Variants in FOXM1 observed in about 807,000 individuals in gnomAD.
FOXM1 encodes the protein forkhead box M1.
FOXM1 carries 25 observed loss-of-function variants against 63.6 expected under a neutral mutation model. The observed-to-expected ratio is 0.39, with a 90% CI of 0.29 to 0.55. FOXM1 has a LOEUF of 0.55. FOXM1 is among the 20% of genes least tolerant of loss of function. FOXM1 has a pLI of 0.60. For missense variants in FOXM1, 879 were observed against 958.7 expected, an observed-to-expected ratio of 0.92 and a Z score of 1.10; for synonymous variants, 387 against 376.9, an observed-to-expected ratio of 1.03 and a Z score of -0.31.
Position 2,866,534 on chromosome 12 carries a change from C to T in FOXM1, c.847-13G>A. ...GGCGGATGGAGTTCTGGAAGAAGAG[C>T]AAGACAACTGGTTATCAGCTACTTT... On this transcript the variant is annotated splice_polypyrimidine_tract_variant and intron_variant, in intron 4 of 8. Transcript: ENST00000359843. 6.6e-7 allele frequency: 1 copy of T among 1,511,754 alleles called. No individual in the cohort carries two copies. Among genetic ancestry groups the T allele is most frequent in the Non-Finnish European group, 8.8e-7 (1 of 1,133,536 alleles). The allele number at this position is 1,511,754 out of a possible 1,614,324, so 93.6% of individuals were successfully genotyped here. A position where few individuals can be genotyped will look rare whatever the true frequency, so the allele number is the denominator to read the frequency against.
At position 2,864,690 on chromosome 12, in the gene FOXM1, CA is replaced by C. The variant is rs750087295; in HGVS notation, c.1082del (p.Leu361ArgfsTer7). 1.2e-6 allele frequency: 2 copies of C among 1,614,178 alleles called. No homozygotes were observed. On this transcript the variant is annotated frameshift_variant, in exon 7 of 9. Transcript: ENST00000359843. LOFTEE classifies it high-confidence loss of function. This position sits in a 1 kb window ranked among gnomAD's most constrained non-coding sequence, Gnocchi z 5.1. ...CCACTCTCCCATACTAACGTGCGCC[CA>C]GGGGGAGTTCGGTTTTGATGGTCAT... is the stretch of plus-strand genomic sequence containing the variant. ...RNMTIKTELP[L>X]GARRKMKPLL... is the part of the protein sequence containing the mutation.
intron 8 of FOXM1, among the ~76,000 whole-genome samples, chr12:2,860,131 C>T (rs2098107617): frequency 6.6e-6 from 1 of 152,126 alleles, no homozygotes; most frequent in Non-Finnish European, 1.5e-5. Flanking sequence ...TTAACCAAGA[C>T]TGGAAACCCA....
chr12:2,859,944 C>A (rs2098106917), intron 8 of FOXM1, among the ~76,000 whole-genome samples: 1 of 152,010 alleles, frequency 6.6e-6, no homozygotes. Context: ...AAAATAAGAA[C>A]CTTAGGCTGC....
intron 8 of FOXM1, among the ~76,000 whole-genome samples, chr12:2,863,174 A>T (rs1208431667): frequency 6.6e-6 from 1 of 152,068 alleles, no homozygotes; most frequent in Non-Finnish European, 1.5e-5. Context: ...AGTGGGGAAA[A>T]CAAGGGATAC....
chr12:2,873,416 AAAG>A (rs1326686845), intron 2 of FOXM1, among the ~76,000 whole-genome samples: 5 of 149,282 alleles, frequency 3.3e-5, no homozygotes, highest in Admixed American at 1.3e-4. Context: ...AAAAAAAAAA[AAAG>A]AAGGAAAATG....
In FOXM1 at chr12:2,874,977, A is replaced by G. The variant is rs769604610; in HGVS notation, c.-47-452T>C. 4.0e-5 allele frequency among the ~76,000 whole-genome samples: 6 copies of G among 151,318 alleles called. No homozygotes were observed. Among genetic ancestry groups the G allele is most frequent in the Non-Finnish European group, 8.8e-5 (6 of 67,994 alleles). On this transcript the variant is annotated intron_variant, in intron 1 of 8. Coordinates refer to ENST00000359843, the MANE Select transcript of FOXM1 (RefSeq NM_021953.4). The surrounding 1 kb of genome is among the most constrained non-coding windows in gnomAD (Gnocchi z 4.3). Reference sequence around the variant, plus strand: ...TCTGATCCCATAATCCATTCAAGACAAAGGATTTTAATTTTTTTTTTTTTT... The same window carrying G: ...TCTGATCCCATAATCCATTCAAGACGAAGGATTTTAATTTTTTTTTTTTTT...
rs1480590447 is a variant in FOXM1 at position 2,866,383 on chromosome 12, G to A, written c.975+10C>T. 6.9e-6 allele frequency: 10 copies of A among 1,449,060 alleles called. No individual in the cohort carries two copies. The highest frequency in any genetic ancestry group is 6.4e-6 in the Non-Finnish European group (7 of 1,096,702). The allele number at this position is 1,449,060 out of a possible 1,614,324, so 89.8% of individuals were successfully genotyped here. A position where few individuals can be genotyped will look rare whatever the true frequency, so the allele number is the denominator to read the frequency against. ...CTTAGGCCCTATTTAGAGGAAAGCA[G>A]GGCATTCACCTTAAACACCTGGTCC... On this transcript the variant is annotated intron_variant, in intron 5 of 8. Coordinates refer to ENST00000359843, the MANE Select transcript of FOXM1 (RefSeq NM_021953.4).
rs28990715 is a variant in FOXM1, at chr12:2,864,381, G to T, written c.1205C>A (p.Ala402Glu). 0.019 allele frequency: 30,211 copies of T among 1,614,058 alleles called. 352 individuals are homozygous for T. Among genetic ancestry groups the T allele is most frequent in the Non-Finnish European group, 0.021 (24,941 of 1,179,990 alleles). Residue 402 changes from alanine to glutamate, a missense_variant, in exon 8 of 9, where the codon GCG (alanine) becomes GAG (glutamate). By Grantham distance (107) the Ala-to-Glu change is moderately radical (BLOSUM62 -1). Transcript: ENST00000359843. This position sits in a 1 kb window ranked among gnomAD's most constrained non-coding sequence, Gnocchi z 5.1. ...AAGCTCTGAGCTCATGAGGGAAGCC[G>T]CCAGGGGCAATGGCACCTTCACCGA... ...QPSVKVPLPL[A>E]ASLMSSELAR...
rs778598715 is a variant in FOXM1, at chr12:2,858,676, T to TGTCAGGGCCCAGTGGGTCCTC, written c.2233_2253dup (p.Glu745_Asp751dup). ...GGAATAAACTGGGACCAGTTGATGT[T>TGTCAGGGCCCAGTGGGTCCTC]GTCAGGGCCCAGTGGGTCCTCGTCC... On this transcript the variant is annotated inframe_insertion, in exon 9 of 9. Coordinates refer to ENST00000359843, the MANE Select transcript of FOXM1 (RefSeq NM_021953.4). 1.9e-5 allele frequency: 31 copies of TGTCAGGGCCCAGTGGGTCCTC among 1,614,030 alleles called. 1 individual carries two copies. The East Asian group carries it at 5.6e-4, about 29-fold the overall frequency.
Position 2,876,911 on chromosome 12 carries a change from C to T in FOXM1, c.-48+9G>A, listed in dbSNP as rs899077918. 1 of 152,394 alleles carries T rather than the reference C, an allele frequency of 6.6e-6. No individual in the cohort carries two copies. The highest frequency in any genetic ancestry group is 1.5e-5 in the Non-Finnish European group (1 of 68,240). The allele number at this position is 152,394 out of a possible 1,614,324, so 9.4% of individuals were successfully genotyped here. A position where few individuals can be genotyped will look rare whatever the true frequency, so the allele number is the denominator to read the frequency against. On this transcript the variant is annotated intron_variant, in intron 1 of 8. Transcript: ENST00000359843. ...CAGGCCTGGGACTCCATTGCTGCATCCCGCTCACCTCCAGACTGCAGTCGC... is the reference window on the plus strand; with the variant it reads ...CAGGCCTGGGACTCCATTGCTGCATTCCGCTCACCTCCAGACTGCAGTCGC...
At chr12:2,868,881 C>A in intron 3 of FOXM1, 127 bp from the exon 4 acceptor site, 1 of 623,328 alleles carries the variant, frequency 1.6e-6, no homozygotes, top group Non-Finnish European at 2.7e-6. Flanking sequence ...TCATCTGAGA[C>A]CACTATCTCA....
intron 8 of FOXM1, among the ~76,000 whole-genome samples, chr12:2,861,746 C>T (rs894423078): frequency 1.5e-4 from 23 of 152,270 alleles, no homozygotes; most frequent in African/African-American, 5.5e-4. Context: ...ATTTGAGAAA[C>T]AGAATCTGTC....
rs766613636 is a variant in FOXM1 at position 2,872,234 on chromosome 12, T to C, written c.516A>G (p.Ala172=). The C allele has an allele frequency of 1.2e-6, 2 of 1,614,128 alleles. No individual in the cohort carries two copies. Among genetic ancestry groups the C allele is most frequent in the African/African-American group, 2.7e-5 (2 of 74,952 alleles). The change falls in exon 3 of 9, where the codon GCA becomes GCG. Residue 172 remains alanine (A), a synonymous_variant. Coordinates refer to ENST00000359843, the MANE Select transcript of FOXM1 (RefSeq NM_021953.4). The surrounding 1 kb of genome is among the most constrained non-coding windows in gnomAD (Gnocchi z 4.0). ...GGCTATTGTTGATAGTGCAGCCTGC[T>C]GCCTCACCATCTGCTAGAGGGAAAA... ...QKRETCADGE[A]AGCTINNSLS... is the part of the protein sequence containing the mutation.
At position 2,859,068 on chromosome 12, in the gene FOXM1, G is replaced by A. The variant is rs750901706; in HGVS notation, c.1862C>T (p.Pro621Leu). 6.2e-7 allele frequency: 1 copy of A among 1,607,252 alleles called. No homozygotes were observed. The highest frequency in any genetic ancestry group is 8.5e-7 in the Non-Finnish European group (1 of 1,176,956). The change falls in exon 9 of 9, where the codon CCT becomes CTT. Residue 621 changes from proline (P) to leucine (L), a missense_variant. By Grantham distance (98) the Pro-to-Leu change is moderately conservative (BLOSUM62 -3). Coordinates refer to ENST00000359843, the MANE Select transcript of FOXM1 (RefSeq NM_021953.4). ...TGGGGGCGTGAGCCTCCAGGATTCA[G>A]GGGTTCTGGGGAGGACAGATTTGCT... ...TPSKSVLPRT[P>L]ESWRLTPPAK...
At position 2,859,233 on chromosome 12, in the gene FOXM1, G is replaced by A; in HGVS notation, c.1697C>T (p.Pro566Leu). 1 of 1,613,588 alleles carries A rather than the reference G, an allele frequency of 6.2e-7. No homozygotes were observed. Among genetic ancestry groups the A allele is most frequent in the Non-Finnish European group, 8.5e-7 (1 of 1,179,948 alleles). The change falls in exon 9 of 9, where the codon CCC becomes CTC. Residue 566 changes from proline (P) to leucine (L), a missense_variant. Physicochemically the swap from Pro to Leu is moderately conservative, Grantham distance 98. Coordinates refer to ENST00000359843, the MANE Select transcript of FOXM1 (RefSeq NM_021953.4). ...DEPELLFSEG[P>L]STSRWAAELP... ...CTCTGCGGCCCAGCGGGAAGTACTG[G>A]GCCCCTCTGAGAAGAGCAGCTCCGG...
At chr12:2,863,720 T>TC in intron 8 of FOXM1, 1 of 148,172 alleles carries the variant, frequency 6.7e-6, no homozygotes, top group East Asian at 2.0e-4. Flanking sequence ...TCTTTTCTTT[T>TC]TTTTTTTTTG....
In FOXM1 at chr12:2,859,057, T is replaced by C; in HGVS notation, c.1873A>G (p.Arg625Gly). 1.2e-6 allele frequency: 2 copies of C among 1,608,406 alleles called. No homozygotes were observed. Among genetic ancestry groups the C allele is most frequent in the East Asian group, 2.2e-5 (1 of 44,764 alleles). Residue 625 changes from arginine to glycine, a missense_variant, in exon 9 of 9, where the codon AGG (arginine) becomes GGG (glycine). Arg to Gly is a moderately radical substitution (Grantham distance 125). Coordinates refer to ENST00000359843, the MANE Select transcript of FOXM1 (RefSeq NM_021953.4). Reference sequence around the variant, plus strand: ...CCTACTTTGGCTGGGGGCGTGAGCCTCCAGGATTCAGGGGTTCTGGGGAGG... The same window carrying C: ...CCTACTTTGGCTGGGGGCGTGAGCCCCCAGGATTCAGGGGTTCTGGGGAGG... ...SVLPRTPESW[R>G]LTPPAKVGGL... is the part of the protein sequence containing the mutation.
rs753788611 is a variant in FOXM1, at chr12:2,858,871, C to A, written c.2059G>T (p.Val687Phe). Reference protein sequence around the residue: ...LSSEPLDLISVPFGNSSPSDI... With the variant: ...LSSEPLDLISFPFGNSSPSDI... Reference sequence around the variant, plus strand: ...GAGGGAGAAGAGTTGCCAAAGGGGACGGAGATGAGGTCTAAGGGTTCTGAA... The same window carrying A: ...GAGGGAGAAGAGTTGCCAAAGGGGAAGGAGATGAGGTCTAAGGGTTCTGAA... The change falls in exon 9 of 9, where the codon GTC becomes TTC. Residue 687 changes from valine (V) to phenylalanine (F), a missense_variant. Around this residue, in one of 4 missense-constraint regions of FOXM1, gnomAD observed 486 missense variants for 453.5 expected, o/e 1.07. Transcript: ENST00000359843. 1 of 1,613,964 alleles carries A rather than the reference C, an allele frequency of 6.2e-7. No homozygotes were observed. The highest frequency in any genetic ancestry group is 8.5e-7 in the Non-Finnish European group (1 of 1,179,996).
chr12:2,871,651 TA>T (rs756336674), intron 3 of FOXM1, among the ~76,000 whole-genome samples: 50 of 145,182 alleles, frequency 3.4e-4, no homozygotes, highest in Middle Eastern at 3.5e-3. Context: ...GACGCTGTCT[TA>T]AAAAAAAAAA....
Sources: gnomAD v4.1 joint callset for allele counts (sites outside exome capture counted in the v4.1 genomes callset) on GRCh38, gnomAD v4.1.1 for gene constraint, gnomAD v4.1.1 regional missense constraint, Gnocchi (gnomAD v3.1) non-coding constraint, MANE v1.5 for transcripts, NCBI Gene and HGNC (gene_info 2026-07-23, HGNC 2026-07-21) for gene names.